ALDH8A1: variants seen among roughly 807,000 people sequenced by gnomAD.
The protein encoded by ALDH8A1 is 2-aminomuconic semialdehyde dehydrogenase.
ALDH8A1 carries 39 observed loss-of-function variants against 43.3 expected under a neutral mutation model. That is an observed-to-expected ratio of 0.90 (90% CI 0.70 to 1.18). The LOEUF (loss-of-function observed/expected upper bound fraction) is 1.18, where lower values mean the gene tolerates loss of function less well. Ranked by LOEUF, ALDH8A1 falls within the 50% of genes most tolerant of loss-of-function variation. The pLI is 0.00. For missense variants in ALDH8A1, 605 were observed against 622.6 expected (o/e 0.97, Z 0.30); for synonymous variants, 233 against 243.5 (o/e 0.96, Z 0.40).
intron 1 of ALDH8A1, among the ~76,000 whole-genome samples, chr6:134,944,663 C>T (rs1773921122): frequency 6.6e-6 from 1 of 151,882 alleles, no homozygotes; most frequent in Admixed American, 6.6e-5. Context: ...TTGGGAGGAT[C>T]GCTTGAGCCC....
At chr6:134,944,496 A>G (rs1773918728) in intron 1 of ALDH8A1, among the ~76,000 whole-genome samples, 1 of 152,190 alleles carries the variant, frequency 6.6e-6, no homozygotes, top group African/African-American at 2.4e-5. Flanking sequence ...ATTTCAACCA[A>G]TGCATCCTGA....
At position 134,939,529 on chromosome 6, in the gene ALDH8A1, C is replaced by T. The variant is rs78979442; in HGVS notation, c.443-114G>A. On this transcript the variant is annotated intron_variant, in intron 3 of 6. Coordinates refer to ENST00000265605, the MANE Select transcript of ALDH8A1 (RefSeq NM_022568.4). ...CATGCTGCAGAAAACTTAGCTTACTCTTCTAACTTCTTCCCAAGCTTTGCT... is the reference window on the plus strand; with the variant it reads ...CATGCTGCAGAAAACTTAGCTTACTTTTCTAACTTCTTCCCAAGCTTTGCT... 3,233 of 1,215,676 alleles carry T rather than the reference C, an allele frequency of 2.7e-3. 52 individuals are homozygous for T. The African/African-American group carries it at 0.04, about 15-fold the overall frequency. The allele number at this position is 1,215,676 out of a possible 1,614,324, so 75.3% of individuals were successfully genotyped here. A position where few individuals can be genotyped will look rare whatever the true frequency, so the allele number is the denominator to read the frequency against.
intron 1 of ALDH8A1, among the ~76,000 whole-genome samples, chr6:134,945,589 C>G (rs1773935808): frequency 1.3e-5 from 2 of 152,094 alleles, no homozygotes; most frequent in African/African-American, 4.8e-5. Context: ...AATCCCTAAC[C>G]CATGTCTCAC....
chr6:134,924,056 G>A lies in ALDH8A1; in HGVS notation c.1011+4998C>T, dbSNP rs78285358. The stretch of plus-strand genomic sequence containing the variant: ...GACCTGGCCAGGACAAGGGGAGCCC[G>A]AGGGAAACCAAGCTCTCCCTGCATG... On this transcript the variant is annotated intron_variant, in intron 6 of 6. Coordinates refer to ENST00000265605, the MANE Select transcript of ALDH8A1 (RefSeq NM_022568.4). Among the ~76,000 whole-genome samples, 18 of 152,292 alleles carry A rather than the reference G, an allele frequency of 1.2e-4. No homozygotes were observed. In the East Asian group the frequency reaches 3.1e-3, roughly 26 times the overall value.
At chr6:134,921,118 T>G (rs1776792443) in intron 6 of ALDH8A1, among the ~76,000 whole-genome samples, 1 of 152,208 alleles carries the variant, frequency 6.6e-6, no homozygotes, top group Non-Finnish European at 1.5e-5. Context: ...TTGGTGATGA[T>G]GATGAAATGA....
intron 5 of ALDH8A1, among the ~76,000 whole-genome samples, chr6:134,931,739 T>G (rs1443613359): frequency 2.6e-5 from 4 of 152,236 alleles, no homozygotes; most frequent in African/African-American, 9.6e-5. Flanking sequence ...TGTCTATTGA[T>G]CCAGAAATTA....
intron 5 of ALDH8A1, among the ~76,000 whole-genome samples, chr6:134,930,328 A>G (rs1776962015): frequency 6.6e-6 from 1 of 152,160 alleles, no homozygotes; most frequent in Admixed American, 6.5e-5. Flanking sequence ...TCAAATAGAG[A>G]TACTGAGTGT....
At chr6:134,928,089 C>A (rs974725579) in intron 6 of ALDH8A1, among the ~76,000 whole-genome samples, 3 of 152,150 alleles carry the variant, frequency 2.0e-5, no homozygotes, top group African/African-American at 2.4e-5. Flanking sequence ...CTCAAGTGAG[C>A]CCTTTGAGCT....
chr6:134,934,611 G>A (rs1241100104), intron 4 of ALDH8A1, among the ~76,000 whole-genome samples: 2 of 151,996 alleles, frequency 1.3e-5, no homozygotes, highest in African/African-American at 2.4e-5. Context: ...TTTTGAGCAC[G>A]TGATCCAGAA....
rs140518351 is a variant in ALDH8A1, at chr6:134,943,964, G to C, written c.141C>G (p.Ile47Met). The change falls in exon 2 of 7, where the codon ATC becomes ATG. Residue 47 changes from isoleucine (I) to methionine (M), a missense_variant and splice_region_variant. Coordinates refer to ENST00000265605, the MANE Select transcript of ALDH8A1 (RefSeq NM_022568.4). ...CTCTGGCGGCCTTGACCGCGGCTTC[G>C]ATCTTTGAGGAGCAAATGGGAGAAA... Reference protein sequence around the residue: ...CRVPNSGKDEIEAAVKAAREA... With the variant: ...CRVPNSGKDEMEAAVKAAREA... 6.2e-7 allele frequency: 1 copy of C among 1,613,528 alleles called. No homozygotes were observed. The highest frequency in any genetic ancestry group is 8.5e-7 in the Non-Finnish European group (1 of 1,179,658).
At position 134,943,986 on chromosome 6, in the gene ALDH8A1, G is replaced by A; in HGVS notation, c.139-20C>T. 1 of 1,610,874 alleles carries A rather than the reference G, an allele frequency of 6.2e-7. No individual in the cohort carries two copies. Among genetic ancestry groups the A allele is most frequent in the Non-Finnish European group, 8.5e-7 (1 of 1,178,242 alleles). ...TTCGATCTTTGAGGAGCAAATGGGAGAAAGGGTCACCTTAAAGCTGTTAGT... is the reference window on the plus strand; with the variant it reads ...TTCGATCTTTGAGGAGCAAATGGGAAAAAGGGTCACCTTAAAGCTGTTAGT... On this transcript the variant is annotated intron_variant, in intron 1 of 6. Transcript: ENST00000265605.
chr6:134,933,493 T>C (rs1304953903), intron 4 of ALDH8A1, among the ~76,000 whole-genome samples: 2 of 152,090 alleles, frequency 1.3e-5, no homozygotes, highest in Non-Finnish European at 2.9e-5. Context: ...ATTGACTATC[T>C]TGGCCCAGGG....
intron 1 of ALDH8A1, among the ~76,000 whole-genome samples, chr6:134,947,794 G>A (rs1226501499): frequency 6.6e-6 from 1 of 151,770 alleles, no homozygotes; most frequent in African/African-American, 2.4e-5. Flanking sequence ...TACAGTGTTG[G>A]TGGGAAAGTA....
At chr6:134,943,736 C>G in intron 2 of ALDH8A1, 83 bp downstream of exon 2, 1 of 1,541,560 alleles carries the variant, frequency 6.5e-7, no homozygotes, top group African/African-American at 1.4e-5. Flanking sequence ...GGCACATGGG[C>G]TGGCCTGATG....
intron 6 of ALDH8A1, among the ~76,000 whole-genome samples, chr6:134,921,208 G>A (rs1367107972): frequency 6.6e-6 from 1 of 152,138 alleles, no homozygotes. Context: ...GACAAAAGGG[G>A]ACAGGAAACT....
chr6:134,919,948 A>G (rs1003131844), intron 6 of ALDH8A1, among the ~76,000 whole-genome samples: 9 of 152,216 alleles, frequency 5.9e-5, no homozygotes, highest in African/African-American at 2.2e-4. Flanking sequence ...TCACTCTGTC[A>G]CCTGGGCTGC....
At chr6:134,936,872 T>G (rs2235263) in intron 4 of ALDH8A1, among the ~76,000 whole-genome samples, 25,098 of 152,184 alleles carry the variant, frequency 0.16, 3,220 homozygotes, top group African/African-American at 0.34. Flanking sequence ...GAAAGCAGTT[T>G]AACTGACAAA....
At chr6:134,940,085 G>C (rs558923169) in intron 3 of ALDH8A1, 64 of 240,414 alleles carry the variant, frequency 2.7e-4, no homozygotes, top group Middle Eastern at 3.2e-3. Context: ...GGAGAGTCGG[G>C]GGGAAGAGCA....
At chr6:134,936,616 C>G (rs569655640) in intron 4 of ALDH8A1, among the ~76,000 whole-genome samples, 23 of 152,282 alleles carry the variant, frequency 1.5e-4, no homozygotes, top group Middle Eastern at 3.4e-3. Context: ...AGCATTTTAA[C>G]TGAGGGTGAG....
Sources: allele counts gnomAD v4.1 joint callset (sites outside exome capture counted in the v4.1 genomes callset), GRCh38; gene constraint gnomAD v4.1.1; transcripts MANE v1.5; gene names NCBI Gene and HGNC (gene_info 2026-07-23, HGNC 2026-07-21).